Variants in CEP112 observed in about 807,000 individuals in gnomAD.
The protein encoded by CEP112 is centrosomal protein 112.
In CEP112, 127 loss-of-function variants were observed where a neutral mutation model predicts 153.0. The ratio of observed to expected loss-of-function variants is 0.83; its 90% CI spans 0.72 to 0.96. CEP112 has a LOEUF of 0.96. CEP112 is among the 40% of genes least tolerant of loss of function. The pLI, the probability that CEP112 is intolerant of heterozygous loss-of-function variation, is 0.00. For synonymous variants in CEP112, 358 were observed against 374.4 expected (o/e 0.96, Z 0.51); for missense variants, 1,089 against 1,101.2 (o/e 0.99, Z 0.16).
intron 18 of CEP112, among the ~76,000 whole-genome samples, chr17:65,940,350 G>C (rs1390643050): frequency 4.6e-5 from 7 of 152,064 alleles, no homozygotes; most frequent in African/African-American, 1.7e-4. Flanking sequence ...ACTAAAAATA[G>C]AACTACCATT....
chr17:66,131,656 G>A (rs1055895406), intron 5 of CEP112, among the ~76,000 whole-genome samples: 2 of 152,158 alleles, frequency 1.3e-5, no homozygotes, highest in Non-Finnish European at 2.9e-5. Flanking sequence ...CAGGAGAACG[G>A]CGTGAACCCG....
At chr17:65,651,865 G>A (rs1030413974) in intron 24 of CEP112, among the ~76,000 whole-genome samples, 1 of 152,046 alleles carries the variant, frequency 6.6e-6, no homozygotes, top group Non-Finnish European at 1.5e-5. Flanking sequence ...ACTACACCCA[G>A]CTAATTTTTG....
chr17:65,915,557 G>A (rs998709484), intron 19 of CEP112, among the ~76,000 whole-genome samples: 2 of 152,082 alleles, frequency 1.3e-5, no homozygotes, highest in Admixed American at 1.3e-4. Flanking sequence ...AGGCTGAGGT[G>A]GGTGGATCAT....
chr17:66,019,695 G>A (rs1218332444), intron 16 of CEP112, among the ~76,000 whole-genome samples: 4 of 152,120 alleles, frequency 2.6e-5, no homozygotes, highest in East Asian at 1.9e-4. Context: ...AACAAGTAAC[G>A]TTATTAAAAA....
At chr17:65,963,706 C>G (rs916203694) in intron 17 of CEP112, among the ~76,000 whole-genome samples, 1 of 149,794 alleles carries the variant, frequency 6.7e-6, no homozygotes, top group Non-Finnish European at 1.5e-5. Context: ...TGTGTGTGTT[C>G]TCTCCTCGCA....
chr17:65,768,537 G>A (rs942551353), intron 21 of CEP112, among the ~76,000 whole-genome samples: 7 of 152,194 alleles, frequency 4.6e-5, no homozygotes, highest in Non-Finnish European at 8.8e-5. Context: ...CCTCTCTGAA[G>A]AACATTGATG....
intron 23 of CEP112, among the ~76,000 whole-genome samples, chr17:65,724,942 T>C (rs1405873145): frequency 6.6e-6 from 1 of 152,098 alleles, no homozygotes; most frequent in Non-Finnish European, 1.5e-5. Context: ...ATTCCTCAGG[T>C]TCCTAAATGA....
intron 23 of CEP112, among the ~76,000 whole-genome samples, chr17:65,692,697 A>T (rs1472577778): frequency 6.6e-6 from 1 of 152,248 alleles, no homozygotes; most frequent in Admixed American, 6.5e-5. Flanking sequence ...AGAGCTAAGT[A>T]TGGACTTCTC....
chr17:65,970,312 T>C (rs2062639062), intron 17 of CEP112, among the ~76,000 whole-genome samples: 2 of 151,444 alleles, frequency 1.3e-5, no homozygotes, highest in African/African-American at 2.4e-5. Context: ...GTGTATCTCA[T>C]ATGTAAAACA....
At chr17:66,160,391 C>A (rs1028726088) in intron 4 of CEP112, among the ~76,000 whole-genome samples, 10 of 152,158 alleles carry the variant, frequency 6.6e-5, no homozygotes, top group Non-Finnish European at 2.9e-5. Flanking sequence ...CCAAGACAAT[C>A]CTAAGCAAAA....
intron 17 of CEP112, among the ~76,000 whole-genome samples, chr17:65,972,498 A>G (rs2062878718): frequency 6.6e-6 from 1 of 152,216 alleles, no homozygotes; most frequent in Non-Finnish European, 1.5e-5. Flanking sequence ...GTAAAACACA[A>G]AATAAGTAGA....
chr17:66,114,255 G>T (rs2069183471), intron 6 of CEP112, among the ~76,000 whole-genome samples: 1 of 152,080 alleles, frequency 6.6e-6, no homozygotes, highest in African/African-American at 2.4e-5. Context: ...AATGAAAACT[G>T]GCTTTTGACT....
intron 23 of CEP112, among the ~76,000 whole-genome samples, chr17:65,701,714 G>A (rs2048640449): frequency 6.6e-6 from 1 of 151,980 alleles, no homozygotes; most frequent in South Asian, 2.1e-4. Flanking sequence ...CCAAGTCCAA[G>A]ACTAAACTCA....
intron 25 of CEP112, among the ~76,000 whole-genome samples, chr17:65,639,251 G>T (rs540697205): frequency 2.6e-5 from 4 of 151,970 alleles, no homozygotes; most frequent in African/African-American, 9.7e-5. Flanking sequence ...AATAGATAAC[G>T]TGGATATCAT....
chr17:66,185,372 A>G (rs1426259608), intron 1 of CEP112, among the ~76,000 whole-genome samples: 1 of 152,030 alleles, frequency 6.6e-6, no homozygotes, highest in Non-Finnish European at 1.5e-5. Context: ...ACAGGCACAC[A>G]CCACCATGCC....
intron 17 of CEP112, among the ~76,000 whole-genome samples, chr17:65,986,638 A>G (rs959105203): frequency 6.6e-6 from 1 of 152,206 alleles, no homozygotes; most frequent in Non-Finnish European, 1.5e-5. Flanking sequence ...AAGAGGGAAA[A>G]CAATCTGAGT....
chr17:66,141,782 G>T (rs897673666), intron 4 of CEP112, among the ~76,000 whole-genome samples: 4 of 152,098 alleles, frequency 2.6e-5, no homozygotes, highest in African/African-American at 9.7e-5. Context: ...CCATTCATTT[G>T]TAGATGAACA....
At chr17:65,665,904 C>T (rs1435665904) in intron 24 of CEP112, among the ~76,000 whole-genome samples, 1 of 152,182 alleles carries the variant, frequency 6.6e-6, no homozygotes, top group Admixed American at 6.5e-5. Flanking sequence ...TCGATTTAAA[C>T]TCTGCCACAC....
chr17:65,691,983 T>A (rs1267585396), intron 23 of CEP112, among the ~76,000 whole-genome samples: 1 of 152,200 alleles, frequency 6.6e-6, no homozygotes, highest in Non-Finnish European at 1.5e-5. Flanking sequence ...AGGGGCTTCA[T>A]CAACTGGCTT....
Sources: allele counts gnomAD v4.1 joint callset (sites outside exome capture counted in the v4.1 genomes callset), GRCh38; gene constraint gnomAD v4.1.1; transcripts MANE v1.5; gene names NCBI Gene and HGNC (gene_info 2026-07-23, HGNC 2026-07-21).